Variants in ANKRD30A observed in about 807,000 individuals in gnomAD.
The protein encoded by ANKRD30A is ankyrin repeat domain 30A.
ANKRD30A carries 170 observed loss-of-function variants against 166.3 expected under a neutral mutation model. The ratio of observed to expected loss-of-function variants is 1.02; its 90% CI spans 0.90 to 1.16. ANKRD30A has a LOEUF of 1.16. Ranked by LOEUF, ANKRD30A falls within the 50% of genes most tolerant of loss-of-function variation. The probability of loss-of-function intolerance (pLI) is 0.00; values close to 1 mark genes in which losing one functional copy is unlikely to be tolerated. For synonymous variants in ANKRD30A, 564 were observed against 508.9 expected (o/e 1.11, Z -1.46); for missense variants, 1,630 against 1,518.0 (o/e 1.07, Z -1.23).
At chr10:37,261,832 A>G in the ANKRD30A span, 1 of 152,846 alleles carries the variant, frequency 6.5e-6, no homozygotes, top group Non-Finnish European at 1.5e-5. Context: ...CTCAGGATCT[A>G]GGAAGTTAGC....
At chr10:37,205,558 C>G (rs1196844608) in intron 31 of ANKRD30A, among the ~76,000 whole-genome samples, 2 of 152,170 alleles carry the variant, frequency 1.3e-5, no homozygotes, top group Non-Finnish European at 2.9e-5. Flanking sequence ...TGTAAAAAAC[C>G]TGCACGTTGT....
intron 5 of ANKRD30A, among the ~76,000 whole-genome samples, chr10:37,136,309 C>T (rs914778313): frequency 2.0e-4 from 31 of 152,230 alleles, no homozygotes; most frequent in African/African-American, 7.0e-4. Flanking sequence ...CGTTGGTAAC[C>T]ATGCTAGGAC....
intron 29 of ANKRD30A, among the ~76,000 whole-genome samples, chr10:37,198,854 T>G (rs1290585227): frequency 6.6e-6 from 1 of 152,138 alleles, no homozygotes; most frequent in African/African-American, 2.4e-5. Context: ...CTTTTTTCTT[T>G]AACCTGATTC....
At chr10:37,226,287 T>A in intron 34 of ANKRD30A, among the ~76,000 whole-genome samples, 1 of 120,500 alleles carries the variant, frequency 8.3e-6, no homozygotes, top group Non-Finnish European at 1.6e-5. Context: ...CCCCGGTGTG[T>A]GATGTTCCCC....
chr10:37,152,164 G>A (rs1837997228), intron 12 of ANKRD30A, 43 bp downstream of exon 12: 1 of 1,473,926 alleles, frequency 6.8e-7, no homozygotes, highest in Admixed American at 1.8e-5. Context: ...AGTATTGCAT[G>A]ATATGAAAAC....
In ANKRD30A at chr10:37,192,898, C is replaced by T. The variant is rs1353521715; in HGVS notation, c.2513-166C>T. Among the ~76,000 whole-genome samples, 10 of 152,152 alleles carry T rather than the reference C, an allele frequency of 6.6e-5. No homozygotes were observed. The South Asian group carries it at 1.0e-3, about 16-fold the overall frequency. ...AATTGTCTTAGGTATATTTCTGTCA[C>T]GTTGGCATGATAACAAATACAGTAA... On this transcript the variant is annotated intron_variant, in intron 25 of 35. Transcript: ENST00000361713.
At chr10:37,177,949 A>C (rs1385842057) in intron 24 of ANKRD30A, among the ~76,000 whole-genome samples, 1 of 149,408 alleles carries the variant, frequency 6.7e-6, no homozygotes, top group Admixed American at 6.6e-5. Flanking sequence ...GCTGAAGAGG[A>C]GCTGAATTAC....
intron 29 of ANKRD30A, among the ~76,000 whole-genome samples, chr10:37,198,361 T>A (rs908204740): frequency 6.6e-6 from 1 of 152,118 alleles, no homozygotes; most frequent in Non-Finnish European, 1.5e-5. Context: ...GTTTTTAATA[T>A]TAGGTTATTT....
At position 37,158,762 on chromosome 10, in the gene ANKRD30A, T is replaced by C. The variant is rs531610463; in HGVS notation, c.1900+176T>C. On this transcript the variant is annotated intron_variant, in intron 15 of 35. Transcript: ENST00000361713. The stretch of plus-strand genomic sequence containing the variant: ...GAAAATGCCATTTACAAGCATAAGA[T>C]TTAGAGATTTAGAAAAAAAATTCTG... 3.9e-5 allele frequency among the ~76,000 whole-genome samples: 6 copies of C among 152,300 alleles called. No homozygotes were observed. The South Asian group carries it at 1.2e-3, about 32-fold the overall frequency.
intron 21 of ANKRD30A, among the ~76,000 whole-genome samples, chr10:37,172,655 A>G (rs1157545145): frequency 4.4e-5 from 6 of 136,176 alleles, no homozygotes; most frequent in African/African-American, 1.7e-4. Context: ...AGTTGAGTGA[A>G]CTCACTTCAG....
At chr10:37,153,264 T>C (rs1415544104) in intron 12 of ANKRD30A, among the ~76,000 whole-genome samples, 1 of 152,208 alleles carries the variant, frequency 6.6e-6, no homozygotes, top group Admixed American at 6.5e-5. Context: ...GAACATAAGT[T>C]AGATATTTTT....
At chr10:37,194,624 C>G (rs532440163) in intron 27 of ANKRD30A, among the ~76,000 whole-genome samples, 2 of 152,200 alleles carry the variant, frequency 1.3e-5, no homozygotes, top group African/African-American at 4.8e-5. Context: ...GAATTACAGG[C>G]GTGAGGCACC....
At chr10:37,164,525 A>T (rs1375598835) in intron 17 of ANKRD30A, among the ~76,000 whole-genome samples, 1 of 152,130 alleles carries the variant, frequency 6.6e-6, no homozygotes, top group Non-Finnish European at 1.5e-5. Flanking sequence ...AAATTTTTAA[A>T]GCTTATCTTC....
intron 6 of ANKRD30A, 75 bp downstream of exon 6, chr10:37,136,746 A>T (rs1396309039): frequency 1.2e-6 from 1 of 851,876 alleles, no homozygotes; most frequent in Admixed American, 3.3e-5. Context: ...CAAAAAGGTA[A>T]TTCAAAAAGC....
intron 29 of ANKRD30A, among the ~76,000 whole-genome samples, chr10:37,197,929 A>T (rs1336083892): frequency 2.0e-5 from 3 of 151,370 alleles, no homozygotes; most frequent in African/African-American, 7.3e-5. Flanking sequence ...AAAATCAGTA[A>T]CTCGGATTAG....
chr10:37,160,991 C>T (rs1282666666), intron 15 of ANKRD30A, among the ~76,000 whole-genome samples: 5 of 152,138 alleles, frequency 3.3e-5, no homozygotes, highest in Admixed American at 6.5e-5. Flanking sequence ...CGGTGGCTCA[C>T]GCCTGTAATC....
chr10:37,233,584 A>G (rs1350682269), downstream of ANKRD30A, among the ~76,000 whole-genome samples: 1 of 152,138 alleles, frequency 6.6e-6, no homozygotes, highest in African/African-American at 2.4e-5. Flanking sequence ...TTTAAACTTC[A>G]TTAGTACTTC....
intron 24 of ANKRD30A, among the ~76,000 whole-genome samples, chr10:37,184,032 T>C (rs1314095909): frequency 1.3e-5 from 2 of 151,700 alleles, no homozygotes; most frequent in Non-Finnish European, 1.5e-5. Context: ...TTTCTAATAA[T>C]TTCTCAGGCG....
chr10:37,183,704 G>A (rs1336720214), intron 24 of ANKRD30A, among the ~76,000 whole-genome samples: 5 of 147,866 alleles, frequency 3.4e-5, no homozygotes, highest in African/African-American at 7.4e-5. Context: ...AATTCTCCAC[G>A]GCTTCACATG....
Sources: gnomAD v4.1 joint callset for allele counts (sites outside exome capture counted in the v4.1 genomes callset) on GRCh38, gnomAD v4.1.1 for gene constraint, MANE v1.5 for transcripts, NCBI Gene and HGNC (gene_info 2026-07-23, HGNC 2026-07-21) for gene names.